ADAD1: variants seen among roughly 807,000 people sequenced by gnomAD.
ADAD1 encodes the protein adenosine deaminase domain-containing protein 1.
A neutral mutation model predicts 66.8 loss-of-function variants in ADAD1; 46 were observed. That is an observed-to-expected ratio of 0.69 (90% CI 0.54 to 0.88). The LOEUF (loss-of-function observed/expected upper bound fraction) is 0.88. ADAD1 is among the 40% of genes least tolerant of loss of function. ADAD1 has a pLI of 0.00. For missense variants in ADAD1, 617 were observed against 681.8 expected (o/e 0.91, Z 1.06); for synonymous variants, 248 against 229.4 (o/e 1.08, Z -0.73).
intron 12 of ADAD1, among the ~76,000 whole-genome samples, chr4:122,426,854 T>C (rs1049929162): frequency 2.6e-5 from 4 of 152,176 alleles, no homozygotes; most frequent in African/African-American, 9.7e-5. Flanking sequence ...AGGGCATCAA[T>C]GAAGAGCCTA....
At chr4:122,400,342 C>T (rs1280566024) in intron 7 of ADAD1, among the ~76,000 whole-genome samples, 1 of 152,098 alleles carries the variant, frequency 6.6e-6, no homozygotes, top group Non-Finnish European at 1.5e-5. Flanking sequence ...ATCCCTACAT[C>T]CCTAGTATGA....
intron 5 of ADAD1, among the ~76,000 whole-genome samples, chr4:122,387,698 A>G (rs952603819): frequency 6.7e-6 from 1 of 148,758 alleles, no homozygotes; most frequent in East Asian, 2.0e-4. Context: ...AATAGCTCTT[A>G]TTATTTTGAG....
At chr4:122,407,582 G>C (rs147839901) in intron 7 of ADAD1, among the ~76,000 whole-genome samples, 3 of 152,144 alleles carry the variant, frequency 2.0e-5, no homozygotes, top group Non-Finnish European at 4.4e-5. Context: ...TGTCTTAGAA[G>C]ATCAAATACA....
At chr4:122,386,790 G>A (rs1450842593) in intron 5 of ADAD1, among the ~76,000 whole-genome samples, 1 of 152,164 alleles carries the variant, frequency 6.6e-6, no homozygotes, top group East Asian at 1.9e-4. Context: ...TACTGAATAG[G>A]AGATCCTTTC....
chr4:122,397,912 T>G (rs1267058815), intron 7 of ADAD1, among the ~76,000 whole-genome samples: 1 of 152,162 alleles, frequency 6.6e-6, no homozygotes, highest in East Asian at 1.9e-4. Flanking sequence ...AAAGCTTGAG[T>G]GCAATCAGAT....
rs1441430245 is a variant in ADAD1 at position 122,393,589 on chromosome 4, GTCC to G, written c.538_540del (p.Pro180del). 1 of 1,592,998 alleles carries G rather than the reference GTCC, an allele frequency of 6.3e-7. No individual in the cohort carries two copies. On this transcript the variant is annotated inframe_deletion and splice_region_variant, in exon 6 of 13. Coordinates refer to ENST00000296513, the MANE Select transcript of ADAD1 (RefSeq NM_139243.4). ...CCTTATGTTTTTGTTTTGTTTACAG[GTCC>G]TCCTCCTTTCCCTGCAGAACCTGTT...
In ADAD1 at chr4:122,396,279, T is replaced by C. The variant is rs563962417; in HGVS notation, c.626T>C (p.Ile209Thr). ...GGGAGACATATTCAATATGCAAAGA[T>C]TTCACAGATCGTTAAAGAAAGATTT... ...YEGRHIQYAK[I>T]SQIVKERFNQ... Residue 209 changes from isoleucine to threonine, a missense_variant, in exon 7 of 13, where the codon ATT (isoleucine) becomes ACT (threonine). By Grantham distance (89) the Ile-to-Thr change is moderately conservative (BLOSUM62 -1). Transcript: ENST00000296513. 6.3e-7 allele frequency: 1 copy of C among 1,595,610 alleles called. No individual in the cohort carries two copies. Among genetic ancestry groups the C allele is most frequent in the South Asian group, 1.2e-5 (1 of 86,486 alleles).
At chr4:122,399,769 A>T (rs540485284) in intron 7 of ADAD1, among the ~76,000 whole-genome samples, 3 of 147,068 alleles carry the variant, frequency 2.0e-5, no homozygotes, top group South Asian at 4.3e-4. Context: ...AGCTGTTGTA[A>T]AGGGGGTTTA....
intron 12 of ADAD1, among the ~76,000 whole-genome samples, chr4:122,428,977 A>G (rs1431601256): frequency 6.6e-6 from 1 of 152,178 alleles, no homozygotes; most frequent in Non-Finnish European, 1.5e-5. Flanking sequence ...AAATTCGCCA[A>G]AATATTAATG....
At chr4:122,393,852 G>C (rs1580753605) in intron 6 of ADAD1, among the ~76,000 whole-genome samples, 195 bp downstream of exon 6, 1 of 152,278 alleles carries the variant, frequency 6.6e-6, no homozygotes, top group East Asian at 1.9e-4. Context: ...GGAGAGGACA[G>C]ATTGAAGAAA....
At chr4:122,388,226 T>C (rs1795268094) in intron 5 of ADAD1, among the ~76,000 whole-genome samples, 1 of 152,194 alleles carries the variant, frequency 6.6e-6, no homozygotes, top group African/African-American at 2.4e-5. Flanking sequence ...CCGACTTGAT[T>C]GTGGTGAATA....
intron 6 of ADAD1, among the ~76,000 whole-genome samples, chr4:122,395,303 A>G (rs1042292195): frequency 6.6e-6 from 1 of 151,948 alleles, no homozygotes; most frequent in Non-Finnish European, 1.5e-5. Flanking sequence ...CACCTCCCTC[A>G]GCCTCCCAAA....
At position 122,412,687 on chromosome 4, in the gene ADAD1, G is replaced by C; in HGVS notation, c.1127G>C (p.Gly376Ala). ...IYLTVYCPKD[G>A]VNRISSMSSS... ...CTGACTGTTTACTGTCCTAAAGATG[G>C]TGTTAATAGAATAAGCAGTATGTCC... is the stretch of plus-strand genomic sequence containing the variant. Residue 376 changes from glycine (G) to alanine (A), a missense_variant, in exon 10 of 13, where the codon GGT (glycine) becomes GCT (alanine). Coordinates refer to ENST00000296513, the MANE Select transcript of ADAD1 (RefSeq NM_139243.4). The C allele has an allele frequency of 6.2e-7, 1 of 1,613,912 alleles. No homozygotes were observed. The highest frequency in any genetic ancestry group is 8.5e-7 in the Non-Finnish European group (1 of 1,179,830).
chr4:122,396,327 C>T lies in ADAD1; in HGVS notation c.674C>T (p.Ser225Leu), dbSNP rs748317070. 24 of 1,603,944 alleles carry T rather than the reference C, an allele frequency of 1.5e-5. No individual in the cohort carries two copies. Among genetic ancestry groups the T allele is most frequent in the Middle Eastern group, 1.7e-4 (1 of 5,896 alleles). ...ERFNQLISNRSEYLKYSSSLA... is the reference protein window; with the variant it reads ...ERFNQLISNRLEYLKYSSSLA... Reference sequence around the variant, plus strand: ...TTTAATCAACTAATTTCTAATCGTTCAGAATACCTGAAATATAGCAGTTCA... The same window carrying T: ...TTTAATCAACTAATTTCTAATCGTTTAGAATACCTGAAATATAGCAGTTCA... Residue 225 changes from serine (S) to leucine (L), a missense_variant, in exon 7 of 13, where the codon TCA becomes TTA. Transcript: ENST00000296513.
intron 7 of ADAD1, among the ~76,000 whole-genome samples, chr4:122,398,699 G>C (rs1795829266): frequency 6.6e-6 from 1 of 151,884 alleles, no homozygotes; most frequent in East Asian, 1.9e-4. Context: ...ATTGCATTGT[G>C]GTTTTGATTT....
chr4:122,406,291 T>C (rs1041258206), intron 7 of ADAD1, among the ~76,000 whole-genome samples: 4 of 152,210 alleles, frequency 2.6e-5, no homozygotes, highest in Non-Finnish European at 5.9e-5. Flanking sequence ...CTCATTGTGA[T>C]TTTGACTTGC....
chr4:122,406,349 T>C (rs1351829823), intron 7 of ADAD1, among the ~76,000 whole-genome samples: 1 of 152,182 alleles, frequency 6.6e-6, no homozygotes, highest in Non-Finnish European at 1.5e-5. Context: ...TATACCTGTT[T>C]GTATGTCTTC....
chr4:122,414,746 G>A (rs1231513242), intron 10 of ADAD1, among the ~76,000 whole-genome samples: 1 of 152,108 alleles, frequency 6.6e-6, no homozygotes, highest in Non-Finnish European at 1.5e-5. Context: ...AAGAATGACT[G>A]CTTCCTAACT....
chr4:122,382,891 C>T (rs1794972332), intron 4 of ADAD1, among the ~76,000 whole-genome samples: 2 of 152,072 alleles, frequency 1.3e-5, no homozygotes, highest in Admixed American at 6.6e-5. Context: ...TCAGGAGTTG[C>T]TTGTAAAACC....
Sources: allele counts gnomAD v4.1 joint callset (sites outside exome capture counted in the v4.1 genomes callset), GRCh38; gene constraint gnomAD v4.1.1; transcripts MANE v1.5; gene names NCBI Gene and HGNC (gene_info 2026-07-23, HGNC 2026-07-21).